Variants in ROBO1 observed in about 807,000 individuals in gnomAD.
ROBO1 encodes the protein roundabout guidance receptor 1.
Under a neutral mutation model 195.9 loss-of-function variants are expected in ROBO1, and 149 were observed. That is an observed-to-expected ratio of 0.76 (90% confidence interval 0.67 to 0.87). The LOEUF (loss-of-function observed/expected upper bound fraction) is 0.87. Ranked by LOEUF, ROBO1 falls within the 40% of genes least tolerant of loss-of-function variation. The pLI is 0.00. For synonymous variants in ROBO1, 816 were observed against 733.2 expected (o/e 1.11, Z -1.82); for missense variants, 1,933 against 2,068.3 (o/e 0.93, Z 1.27).
At chr3:78,691,312 C>T (rs1183967502) in intron 8 of ROBO1, among the ~76,000 whole-genome samples, 1 of 151,772 alleles carries the variant, frequency 6.6e-6, no homozygotes, top group Non-Finnish European at 1.5e-5. Flanking sequence ...TTTAAACTTG[C>T]TGTAATCAAA....
chr3:79,679,072 C>A (rs1946868065), intron 1 of ROBO1, among the ~76,000 whole-genome samples: 1 of 151,878 alleles, frequency 6.6e-6, no homozygotes, highest in Non-Finnish European at 1.5e-5. Flanking sequence ...TACAGTTGGA[C>A]TTTCATTTCC....
At chr3:79,491,218 G>A (rs1358188394) in intron 2 of ROBO1, among the ~76,000 whole-genome samples, 6 of 97,996 alleles carry the variant, frequency 6.1e-5, no homozygotes, top group Non-Finnish European at 1.0e-4. Flanking sequence ...GACGGGGATC[G>A]GCTCTTTTTT....
intron 2 of ROBO1, among the ~76,000 whole-genome samples, chr3:79,289,801 A>C (rs563110922): frequency 6.6e-6 from 1 of 152,318 alleles, no homozygotes; most frequent in East Asian, 1.9e-4. Flanking sequence ...ATACTTTGTT[A>C]GGGTGAAAAT....
At chr3:79,424,914 T>C (rs927815387) in intron 2 of ROBO1, among the ~76,000 whole-genome samples, 5 of 152,082 alleles carry the variant, frequency 3.3e-5, no homozygotes, top group African/African-American at 1.2e-4. Flanking sequence ...AGGAATTCTG[T>C]AGGAGAATGA....
chr3:79,516,857 T>A (rs747545457), intron 2 of ROBO1, among the ~76,000 whole-genome samples: 1 of 152,058 alleles, frequency 6.6e-6, no homozygotes, highest in Non-Finnish European at 1.5e-5. Flanking sequence ...TTGACAAAGG[T>A]TTTTGTGCAT....
intron 8 of ROBO1, among the ~76,000 whole-genome samples, chr3:78,704,380 C>T (rs2081496339): frequency 2.0e-5 from 3 of 152,008 alleles, no homozygotes; most frequent in Non-Finnish European, 4.4e-5. Flanking sequence ...ATCTCATACG[C>T]TGACAGAAAG....
chr3:78,857,607 G>A (rs1017672652), intron 4 of ROBO1, among the ~76,000 whole-genome samples: 1 of 152,102 alleles, frequency 6.6e-6, no homozygotes, highest in African/African-American at 2.4e-5. Flanking sequence ...GAACATTTTC[G>A]AAAGGCAAAC....
intron 3 of ROBO1, among the ~76,000 whole-genome samples, chr3:79,063,391 C>T (rs1314304758): frequency 6.6e-6 from 1 of 151,658 alleles, no homozygotes; most frequent in Non-Finnish European, 1.5e-5. Flanking sequence ...CTTAAAAAGA[C>T]AATGCTTTGT....
chr3:79,713,997 C>A (rs529310161), intron 1 of ROBO1, among the ~76,000 whole-genome samples: 3 of 152,160 alleles, frequency 2.0e-5, no homozygotes, highest in Admixed American at 1.3e-4. Context: ...GTTACTGTAG[C>A]CTTGTAGTAT....
intron 2 of ROBO1, among the ~76,000 whole-genome samples, chr3:79,576,638 C>T (rs1370294886): frequency 6.6e-6 from 1 of 152,004 alleles, no homozygotes; most frequent in Non-Finnish European, 1.5e-5. Context: ...GTTAACATTG[C>T]CCAGTTTATT....
chr3:78,691,976 T>C (rs1212092607), intron 8 of ROBO1, among the ~76,000 whole-genome samples: 1 of 151,856 alleles, frequency 6.6e-6, no homozygotes, highest in Non-Finnish European at 1.5e-5. Flanking sequence ...TTCCATTTTA[T>C]TGCTAGTCTT....
intron 1 of ROBO1, among the ~76,000 whole-genome samples, chr3:79,592,937 G>T (rs916298924): frequency 3.3e-5 from 5 of 151,892 alleles, no homozygotes; most frequent in African/African-American, 1.2e-4. Context: ...TGATCTGTTT[G>T]TTATCTCCAT....
At chr3:79,157,438 C>A (rs556319692) in intron 2 of ROBO1, among the ~76,000 whole-genome samples, 18 of 152,014 alleles carry the variant, frequency 1.2e-4, no homozygotes, top group Admixed American at 4.6e-4. Context: ...GGCCTCAGCT[C>A]AGGCCAGAGA....
chr3:79,091,410 G>A (rs2079477910), intron 3 of ROBO1, among the ~76,000 whole-genome samples: 1 of 152,022 alleles, frequency 6.6e-6, no homozygotes, highest in South Asian at 2.1e-4. Flanking sequence ...CGTTAGTCTT[G>A]CATTACATTC....
At chr3:79,638,559 C>T (rs764797364) in intron 1 of ROBO1, among the ~76,000 whole-genome samples, 7 of 152,012 alleles carry the variant, frequency 4.6e-5, no homozygotes, top group Non-Finnish European at 7.4e-5. Context: ...GAATTACAGA[C>T]GTGAGCCACC....
At chr3:79,338,928 T>C (rs566139320) in intron 2 of ROBO1, among the ~76,000 whole-genome samples, 5 of 152,302 alleles carry the variant, frequency 3.3e-5, no homozygotes, top group Admixed American at 3.3e-4. Flanking sequence ...AAATCAAACT[T>C]TGATTTTACA....
intron 4 of ROBO1, among the ~76,000 whole-genome samples, chr3:78,748,034 C>CTGA (rs1434924568): frequency 6.6e-6 from 1 of 152,184 alleles, no homozygotes; most frequent in Non-Finnish European, 1.5e-5. Flanking sequence ...TTTCCTTGAT[C>CTGA]TGATGTGTAG....
chr3:78,894,426 C>A (rs1474897570), intron 4 of ROBO1, among the ~76,000 whole-genome samples: 9 of 152,032 alleles, frequency 5.9e-5, no homozygotes, highest in Non-Finnish European at 1.2e-4. Context: ...ATAAAATGTC[C>A]TCAGATATTA....
chr3:79,112,054 T>C (rs1003980342), intron 3 of ROBO1, among the ~76,000 whole-genome samples: 3 of 152,208 alleles, frequency 2.0e-5, no homozygotes, highest in Admixed American at 2.0e-4. Context: ...CTTGGCTATA[T>C]TGGGTGAAAC....
Sources: gnomAD v4.1 joint callset for allele counts (sites outside exome capture counted in the v4.1 genomes callset) on GRCh38, gnomAD v4.1.1 for gene constraint, MANE v1.5 for transcripts, NCBI Gene and HGNC (gene_info 2026-07-23, HGNC 2026-07-21) for gene names.